Variants in MARCHF11 observed in about 807,000 individuals in gnomAD.
MARCHF11 encodes the protein membrane associated ring-CH-type finger 11, also known as E3 ubiquitin-protein ligase MARCHF11.
MARCHF11 carries 29 observed loss-of-function variants against 37.3 expected under a neutral mutation model. That is an observed-to-expected ratio of 0.78 (90% CI 0.58 to 1.06). The LOEUF (loss-of-function observed/expected upper bound fraction) is 1.06. MARCHF11 is among the 50% of genes least tolerant of loss of function. The pLI is 0.00. For missense variants in MARCHF11, 482 were observed against 533.4 expected (o/e 0.90, Z 0.95); for synonymous variants, 233 against 228.0 (o/e 1.02, Z -0.20).
intron 2 of MARCHF11, among the ~76,000 whole-genome samples, chr5:16,140,197 C>G (rs1344518280): frequency 1.3e-5 from 2 of 151,702 alleles, no homozygotes; most frequent in Non-Finnish European, 2.9e-5. Flanking sequence ...ACTACTTATA[C>G]TAGTAAATAA....
chr5:16,087,271 C>T (rs1736715499), intron 3 of MARCHF11, among the ~76,000 whole-genome samples: 1 of 152,212 alleles, frequency 6.6e-6, no homozygotes, highest in Non-Finnish European at 1.5e-5. Context: ...ATTTGTCAAA[C>T]ATGTCTCTCC....
intron 2 of MARCHF11, among the ~76,000 whole-genome samples, chr5:16,148,743 A>T (rs1737844728): frequency 6.6e-6 from 1 of 152,096 alleles, no homozygotes; most frequent in South Asian, 2.1e-4. Flanking sequence ...CATAACCAGA[A>T]ATTCTAGCTT....
chr5:16,157,068 C>T (rs1270502535), intron 2 of MARCHF11, among the ~76,000 whole-genome samples: 1 of 151,690 alleles, frequency 6.6e-6, no homozygotes, highest in African/African-American at 2.4e-5. Context: ...ATGCAAAACG[C>T]AGTGAACTAT....
chr5:16,071,406 C>T (rs924177410), intron 3 of MARCHF11, among the ~76,000 whole-genome samples: 1 of 152,180 alleles, frequency 6.6e-6, no homozygotes, highest in Non-Finnish European at 1.5e-5. Flanking sequence ...ACTGGACCAT[C>T]ACCTTACTGA....
At chr5:16,073,080 G>A (rs1337783121) in intron 3 of MARCHF11, among the ~76,000 whole-genome samples, 1 of 152,082 alleles carries the variant, frequency 6.6e-6, no homozygotes, top group Non-Finnish European at 1.5e-5. Flanking sequence ...ATAATACATA[G>A]ATATAATTCC....
intron 2 of MARCHF11, among the ~76,000 whole-genome samples, chr5:16,161,430 A>G (rs1738075826): frequency 6.6e-6 from 1 of 151,858 alleles, no homozygotes; most frequent in Non-Finnish European, 1.5e-5. Context: ...GGACTCTGAG[A>G]GCTAAAGGTT....
At chr5:16,156,976 A>G (rs116824407) in intron 2 of MARCHF11, among the ~76,000 whole-genome samples, 93 of 152,072 alleles carry the variant, frequency 6.1e-4, no homozygotes, top group African/African-American at 2.1e-3. Context: ...GGTAGTGCAT[A>G]CTGTAATTAT....
intron 2 of MARCHF11, among the ~76,000 whole-genome samples, chr5:16,124,330 G>A (rs1737363730): frequency 6.6e-6 from 1 of 152,184 alleles, no homozygotes; most frequent in South Asian, 2.1e-4. Context: ...AGGCAGGACT[G>A]GATGACCGGG....
intron 3 of MARCHF11, among the ~76,000 whole-genome samples, chr5:16,078,249 T>C (rs1277595175): frequency 1.3e-5 from 2 of 152,198 alleles, no homozygotes; most frequent in African/African-American, 4.8e-5. Context: ...GCTTCATCTG[T>C]GCCTTTGTTT....
At chr5:16,134,977 T>TTCTCTCTCTCTCTCTCTCTCTC (rs146251875) in intron 2 of MARCHF11, among the ~76,000 whole-genome samples, 12 of 143,098 alleles carry the variant, frequency 8.4e-5, no homozygotes, top group African/African-American at 3.2e-4. Flanking sequence ...TATGAGTGAT[T>TTCTCTCTCTCTCTCTCTCTCTC]TCTCTCTCTC....
At chr5:16,079,694 A>G (rs1169463774) in intron 3 of MARCHF11, among the ~76,000 whole-genome samples, 1 of 152,098 alleles carries the variant, frequency 6.6e-6, no homozygotes, top group Admixed American at 6.5e-5. Context: ...CATCACATTC[A>G]TTGCTCTCCT....
chr5:16,135,592 T>C (rs940579256), intron 2 of MARCHF11, among the ~76,000 whole-genome samples: 1 of 152,090 alleles, frequency 6.6e-6, no homozygotes. Context: ...AATGAGATCA[T>C]GTAGCTCAAG....
chr5:16,077,756 T>A (rs1262810425), intron 3 of MARCHF11, among the ~76,000 whole-genome samples: 1 of 152,218 alleles, frequency 6.6e-6, no homozygotes, highest in African/African-American at 2.4e-5. Flanking sequence ...GGGATGTGAT[T>A]CTTTACATAG....
intron 2 of MARCHF11, among the ~76,000 whole-genome samples, chr5:16,110,552 C>T (rs1165225660): frequency 6.6e-6 from 1 of 152,066 alleles, no homozygotes; most frequent in African/African-American, 2.4e-5. Context: ...ATTCAGGTTT[C>T]TTTTAAATAT....
intron 2 of MARCHF11, among the ~76,000 whole-genome samples, chr5:16,103,588 T>A (rs1052960068): frequency 2.6e-5 from 4 of 152,174 alleles, no homozygotes; most frequent in Non-Finnish European, 5.9e-5. Context: ...AAATAATACA[T>A]CCTGTCCATG....
intron 3 of MARCHF11, among the ~76,000 whole-genome samples, chr5:16,080,818 C>T (rs560220163): frequency 1.3e-5 from 2 of 152,256 alleles, no homozygotes; most frequent in East Asian, 1.9e-4. Flanking sequence ...TTCATCCCTA[C>T]TCTCCTTTAT....
chr5:16,125,644 T>C (rs1238689551), intron 2 of MARCHF11, among the ~76,000 whole-genome samples: 1 of 142,862 alleles, frequency 7.0e-6, no homozygotes, highest in Non-Finnish European at 1.5e-5. Context: ...TGTGTGTGTG[T>C]GTGTGTGTGT....
intron 2 of MARCHF11, among the ~76,000 whole-genome samples, chr5:16,145,987 G>A (rs149231646): frequency 1.1e-4 from 17 of 152,162 alleles, no homozygotes; most frequent in Admixed American, 2.0e-4. Context: ...TGTAAACACC[G>A]CCCCCAACAC....
chr5:16,142,534 C>A (rs892155489), intron 2 of MARCHF11, among the ~76,000 whole-genome samples: 3 of 152,082 alleles, frequency 2.0e-5, no homozygotes, highest in Non-Finnish European at 4.4e-5. Context: ...AAACTACCTG[C>A]AAGTTCTGGA....
Sources: allele counts gnomAD v4.1 joint callset (sites outside exome capture counted in the v4.1 genomes callset), GRCh38; gene constraint gnomAD v4.1.1; transcripts MANE v1.5; gene names NCBI Gene and HGNC (gene_info 2026-07-23, HGNC 2026-07-21).